SNX6: variants seen among roughly 807,000 people sequenced by gnomAD.
SNX6 encodes the protein sorting nexin-6.
A neutral mutation model predicts 63.0 loss-of-function variants in SNX6; 34 were observed. The ratio of observed to expected loss-of-function variants is 0.54; its 90% CI spans 0.41 to 0.72. SNX6 has a LOEUF of 0.72. SNX6 is among the 30% of genes least tolerant of loss of function. The pLI, the probability that SNX6 is intolerant of heterozygous loss-of-function variation, is 0.00. For synonymous variants in SNX6, 170 were observed against 164.2 expected, an observed-to-expected ratio of 1.04 and a Z score of -0.27; for missense variants, 398 against 471.4, an observed-to-expected ratio of 0.84 and a Z score of 1.44.
intron 9 of SNX6, among the ~76,000 whole-genome samples, chr14:34,585,957 T>C (rs180918832): frequency 6.6e-6 from 1 of 151,950 alleles, no homozygotes; most frequent in Non-Finnish European, 1.5e-5. Flanking sequence ...CAGGCTGGAG[T>C]GCAAAGGTGG....
chr14:34,574,657 A>G (rs954471377), intron 11 of SNX6, among the ~76,000 whole-genome samples: 1 of 149,838 alleles, frequency 6.7e-6, no homozygotes, highest in Non-Finnish European at 1.5e-5. Context: ...GAAATCCTTT[A>G]GCAATACAAC....
intron 1 of SNX6, 55 bp from the exon 2 acceptor site, chr14:34,630,009 CA>C: frequency 6.7e-7 from 1 of 1,497,214 alleles, no homozygotes. Context: ...GGGGGAGACA[CA>C]AAGGGAGACA....
At chr14:34,583,437 C>T (rs1200346240) in intron 9 of SNX6, among the ~76,000 whole-genome samples, 25 of 108,072 alleles carry the variant, frequency 2.3e-4, no homozygotes, top group African/African-American at 8.1e-4. Context: ...TCATTTTTTT[C>T]TTTTTTTTTT....
intron 3 of SNX6, among the ~76,000 whole-genome samples, chr14:34,608,580 G>A (rs956611798): frequency 6.6e-6 from 1 of 152,074 alleles, no homozygotes; most frequent in Non-Finnish European, 1.5e-5. Context: ...GATTATCTTC[G>A]GATTGTTGGG....
At chr14:34,585,923 G>C (rs28417078) in intron 9 of SNX6, among the ~76,000 whole-genome samples, 3,673 of 148,566 alleles carry the variant, frequency 0.025, 161 homozygotes, top group African/African-American at 0.087. Flanking sequence ...TATTTTTTTT[G>C]AGATGGAGTC....
chr14:34,569,105 C>G, intron 11 of SNX6: 1 of 949,096 alleles, frequency 1.1e-6, no homozygotes, highest in Non-Finnish European at 1.7e-6. Flanking sequence ...TGCTGGTTCA[C>G]ATCTTTTACA....
At chr14:34,566,188 G>A (rs1881175005) in intron 13 of SNX6, among the ~76,000 whole-genome samples, 1 of 152,170 alleles carries the variant, frequency 6.6e-6, no homozygotes, top group Admixed American at 6.6e-5. Context: ...CATTTTGACA[G>A]GGTTATTAGA....
intron 13 of SNX6, among the ~76,000 whole-genome samples, chr14:34,563,378 G>C (rs1335233503): frequency 1.3e-5 from 2 of 151,984 alleles, no homozygotes; most frequent in Non-Finnish European, 2.9e-5. Flanking sequence ...CTAACACAGT[G>C]AAACCCCATC....
chr14:34,567,116 C>T (rs942950687), intron 13 of SNX6, among the ~76,000 whole-genome samples: 7 of 150,960 alleles, frequency 4.6e-5, no homozygotes, highest in Middle Eastern at 3.5e-3. Context: ...CCTAGCTACT[C>T]GGGAGGCTGA....
At chr14:34,604,177 G>A in intron 5 of SNX6, 1 of 1,288,212 alleles carries the variant, frequency 7.8e-7, no homozygotes, top group Non-Finnish European at 1.0e-6. Flanking sequence ...TTTGATCTCT[G>A]TGAGGGTAGT....
intron 6 of SNX6, among the ~76,000 whole-genome samples, chr14:34,600,274 G>A (rs1166898570): frequency 2.0e-5 from 3 of 152,022 alleles, no homozygotes; most frequent in African/African-American, 4.8e-5. Flanking sequence ...ACAGGCAAGC[G>A]CCACCACGTC....
intron 2 of SNX6, among the ~76,000 whole-genome samples, chr14:34,623,923 GA>G (rs1367245671): frequency 6.6e-6 from 1 of 151,708 alleles, no homozygotes; most frequent in African/African-American, 2.4e-5. Flanking sequence ...AAGCACATCA[GA>G]AAAAAAATGT....
intron 2 of SNX6, among the ~76,000 whole-genome samples, chr14:34,626,267 C>G (rs1883820087): frequency 6.6e-6 from 1 of 151,984 alleles, no homozygotes; most frequent in Non-Finnish European, 1.5e-5. Flanking sequence ...TTTTCCATTT[C>G]CATATTAAAA....
intron 2 of SNX6, among the ~76,000 whole-genome samples, chr14:34,624,713 T>C (rs1484725402): frequency 2.6e-5 from 4 of 151,766 alleles, no homozygotes; most frequent in African/African-American, 9.7e-5. Flanking sequence ...GGAGAATAGC[T>C]TGAACTTGGG....
At chr14:34,578,134 G>A (rs147451726) in intron 10 of SNX6, among the ~76,000 whole-genome samples, 2,794 of 152,110 alleles carry the variant, frequency 0.018, 77 homozygotes, top group African/African-American at 0.063. Flanking sequence ...AGCCCAGGAG[G>A]CAAAGGTTGC....
At chr14:34,608,737 A>G (rs964837196) in intron 3 of SNX6, among the ~76,000 whole-genome samples, 2 of 152,172 alleles carry the variant, frequency 1.3e-5, no homozygotes, top group African/African-American at 4.8e-5. Context: ...AATAAAAATA[A>G]TAATTTGTGG....
chr14:34,617,438 G>A (rs1883458240), intron 2 of SNX6, among the ~76,000 whole-genome samples: 3 of 151,988 alleles, frequency 2.0e-5, no homozygotes, highest in African/African-American at 2.4e-5. Flanking sequence ...TCAGGAGTTC[G>A]AGACCAGCAT....
chr14:34,582,862 C>A (rs1386596859), intron 9 of SNX6, among the ~76,000 whole-genome samples: 3 of 150,608 alleles, frequency 2.0e-5, no homozygotes, highest in African/African-American at 7.3e-5. Flanking sequence ...TATCTAGATT[C>A]ATTGTAGCAA....
At position 34,586,150 on chromosome 14, in the gene SNX6, C is replaced by A. The variant is rs550050156; in HGVS notation, c.794+80G>T. 2.9e-5 allele frequency: 22 copies of A among 760,718 alleles called. No individual in the cohort carries two copies. In the East Asian group the frequency reaches 6.2e-4, roughly 21 times the overall value. 47.1% of individuals were successfully genotyped at this position (760,718 alleles called of 1,614,324 possible). ...ACTCCTGACCTCTTAATCCACCCAC[C>A]TTCGCCTCCCAAAGTGCTGGGATTA... On this transcript the variant is annotated intron_variant, in intron 9 of 13. Transcript: ENST00000362031.
Sources: gnomAD v4.1 joint callset for allele counts (sites outside exome capture counted in the v4.1 genomes callset) on GRCh38, gnomAD v4.1.1 for gene constraint, MANE v1.5 for transcripts, NCBI Gene and HGNC (gene_info 2026-07-23, HGNC 2026-07-21) for gene names.